Variants in TSC22D1 observed in about 807,000 individuals in gnomAD.
TSC22D1 encodes the protein TSC22 domain family member 1.
Under a neutral mutation model 74.2 loss-of-function variants are expected in TSC22D1, and 9 were observed. The ratio of observed to expected loss-of-function variants is 0.12; its 90% CI spans 0.07 to 0.21. The LOEUF (loss-of-function observed/expected upper bound fraction) is 0.21. TSC22D1 is among the 10% of genes least tolerant of loss of function. The pLI is 1.00. For synonymous variants in TSC22D1, 586 were observed against 492.5 expected, an observed-to-expected ratio of 1.19 and a Z score of -2.51; for missense variants, 1,427 against 1,304.7, an observed-to-expected ratio of 1.09 and a Z score of -1.44.
intron 1 of TSC22D1, among the ~76,000 whole-genome samples, chr13:44,466,902 C>A (rs892028915): frequency 1.3e-5 from 2 of 152,138 alleles, no homozygotes; most frequent in Non-Finnish European, 2.9e-5. Flanking sequence ...GTGGCTCAAG[C>A]CTGTAATCCC....
At chr13:44,522,081 A>G (rs974699624) in intron 1 of TSC22D1, among the ~76,000 whole-genome samples, 2 of 152,342 alleles carry the variant, frequency 1.3e-5, no homozygotes, top group East Asian at 1.9e-4. Flanking sequence ...TTAGAGAGTA[A>G]AAGTCAAGGA....
intron 1 of TSC22D1, among the ~76,000 whole-genome samples, chr13:44,445,183 T>C (rs1177001749): frequency 6.7e-6 from 1 of 149,788 alleles, no homozygotes; most frequent in Non-Finnish European, 1.5e-5. Flanking sequence ...ATGACAGACA[T>C]AGAGTAATGG....
At chr13:44,454,957 T>C (rs1451673176) in intron 1 of TSC22D1, among the ~76,000 whole-genome samples, 1 of 152,154 alleles carries the variant, frequency 6.6e-6, no homozygotes, top group East Asian at 1.9e-4. Flanking sequence ...CAAATATATA[T>C]TGAGCACCCA....
intron 1 of TSC22D1, among the ~76,000 whole-genome samples, chr13:44,482,885 AG>A (rs1878246801): frequency 1.3e-5 from 2 of 152,244 alleles, no homozygotes; most frequent in Non-Finnish European, 2.9e-5. Flanking sequence ...CTAATATGCC[AG>A]ATGTTATTCC....
intron 1 of TSC22D1, among the ~76,000 whole-genome samples, chr13:44,545,511 T>C (rs1168380358): frequency 6.6e-6 from 1 of 151,846 alleles, no homozygotes; most frequent in African/African-American, 2.4e-5. Context: ...GTCTTCTTCG[T>C]CTTGCTAGCA....
chr13:44,563,420 C>G (rs571944562), intron 1 of TSC22D1, among the ~76,000 whole-genome samples: 1 of 152,242 alleles, frequency 6.6e-6, no homozygotes, highest in South Asian at 2.1e-4. Flanking sequence ...GCATAACATC[C>G]AACATGGTTC....
At chr13:44,449,364 T>G (rs1220027251) in intron 1 of TSC22D1, among the ~76,000 whole-genome samples, 1 of 152,206 alleles carries the variant, frequency 6.6e-6, no homozygotes, top group Non-Finnish European at 1.5e-5. Flanking sequence ...AATTGTCCTT[T>G]CATTAGCCCT....
chr13:44,447,029 T>G (rs1875736056), intron 1 of TSC22D1, among the ~76,000 whole-genome samples: 1 of 152,186 alleles, frequency 6.6e-6, no homozygotes, highest in Non-Finnish European at 1.5e-5. Flanking sequence ...CAGAACTTTT[T>G]CATGTGCAGA....
intron 1 of TSC22D1, among the ~76,000 whole-genome samples, chr13:44,455,181 G>A (rs1271407555): frequency 1.3e-5 from 2 of 152,144 alleles, no homozygotes; most frequent in South Asian, 2.1e-4. Context: ...TGAAATTTTA[G>A]CTAGCTTTCA....
At chr13:44,571,020 TCA>T (rs1294980045) in intron 1 of TSC22D1, among the ~76,000 whole-genome samples, 3 of 152,222 alleles carry the variant, frequency 2.0e-5, no homozygotes, top group Non-Finnish European at 4.4e-5. Context: ...CATTCCGATT[TCA>T]CAGAATTTAA....
intron 1 of TSC22D1, among the ~76,000 whole-genome samples, chr13:44,478,157 G>A (rs1217809741): frequency 6.6e-6 from 1 of 152,160 alleles, no homozygotes; most frequent in African/African-American, 2.4e-5. Context: ...TACTTAAACA[G>A]TTAAATCACA....
At chr13:44,500,048 A>G (rs1455166612) in intron 1 of TSC22D1, among the ~76,000 whole-genome samples, 1 of 151,154 alleles carries the variant, frequency 6.6e-6, no homozygotes, top group African/African-American at 2.4e-5. Context: ...GATGGCGCCC[A>G]CTGCACTCCA....
chr13:44,552,277 GGATA>G (rs1373831210), intron 1 of TSC22D1, among the ~76,000 whole-genome samples: 1 of 152,108 alleles, frequency 6.6e-6, no homozygotes, highest in Non-Finnish European at 1.5e-5. Flanking sequence ...CCTAGGAAAT[GGATA>G]AATAATAGAC....
At chr13:44,437,850 G>A (rs1322470402) in intron 1 of TSC22D1, among the ~76,000 whole-genome samples, 1 of 152,140 alleles carries the variant, frequency 6.6e-6, no homozygotes, top group Non-Finnish European at 1.5e-5. Context: ...GCAGTGTCCA[G>A]AACCAGAAAA....
At chr13:44,438,037 C>G (rs993950024) in intron 1 of TSC22D1, among the ~76,000 whole-genome samples, 2 of 152,148 alleles carry the variant, frequency 1.3e-5, no homozygotes, top group African/African-American at 4.8e-5. Flanking sequence ...ATTTAAAATA[C>G]TTGCAGGGAT....
At chr13:44,515,053 CTCCTATAGAGGGCAAT>C (rs755982339) in intron 1 of TSC22D1, among the ~76,000 whole-genome samples, 141 of 152,178 alleles carry the variant, frequency 9.3e-4, no homozygotes, top group Non-Finnish European at 1.4e-3. Flanking sequence ...TCTGGTGCAA[CTCCTATAGAGGGCAAT>C]TTGACAATAG....
At position 44,502,571 on chromosome 13, in the gene TSC22D1, C is replaced by T. The variant is rs116452973; in HGVS notation, c.2913-66476G>A. Among the ~76,000 whole-genome samples the T allele has an allele frequency of 5.7e-3, 862 of 152,276 alleles. 7 individuals carry two copies. Among genetic ancestry groups the T allele is most frequent in the African/African-American group, 0.02 (820 of 41,542 alleles). The stretch of plus-strand genomic sequence containing the variant: ...ATTCATTCATACAACAAATGCTTAG[C>T]TCATTAGGGCTCAATTTTCTCAAGA... On this transcript the variant is annotated intron_variant, in intron 1 of 2. Coordinates refer to ENST00000458659, the MANE Select transcript of TSC22D1 (RefSeq NM_183422.4).
At chr13:44,500,978 G>A (rs1173343490) in intron 1 of TSC22D1, among the ~76,000 whole-genome samples, 1 of 152,124 alleles carries the variant, frequency 6.6e-6, no homozygotes, top group Non-Finnish European at 1.5e-5. Flanking sequence ...GAGCAACTAT[G>A]TGTGGTCCAA....
At chr13:44,512,453 G>T (rs1487827733) in intron 1 of TSC22D1, among the ~76,000 whole-genome samples, 1 of 151,892 alleles carries the variant, frequency 6.6e-6, no homozygotes, top group Non-Finnish European at 1.5e-5. Context: ...ACAGGTGTGA[G>T]CCACCGCGCC....
Sources: gnomAD v4.1 joint callset for allele counts (sites outside exome capture counted in the v4.1 genomes callset) on GRCh38, gnomAD v4.1.1 for gene constraint, MANE v1.5 for transcripts, NCBI Gene and HGNC (gene_info 2026-07-23, HGNC 2026-07-21) for gene names.